The following ITSN1 variants were observed in gnomAD, a reference collection of about 807,000 sequenced individuals.
The protein encoded by ITSN1 is intersectin-1.
A neutral mutation model predicts 239.8 loss-of-function variants in ITSN1; 58 were observed. The ratio of observed to expected loss-of-function variants is 0.24; its 90% CI spans 0.20 to 0.30. The LOEUF (loss-of-function observed/expected upper bound fraction) is 0.30. Ranked by LOEUF, ITSN1 falls within the 10% of genes least tolerant of loss-of-function variation. The pLI, the probability that ITSN1 is intolerant of heterozygous loss-of-function variation, is 1.00. For missense variants in ITSN1, 1,558 were observed against 2,103.3 expected (o/e 0.74, Z 5.07); for synonymous variants, 780 against 770.8 (o/e 1.01, Z -0.20).
intron 1 of ITSN1, among the ~76,000 whole-genome samples, chr21:33,673,251 G>A (rs372575057): frequency 1.3e-5 from 2 of 152,168 alleles, no homozygotes; most frequent in South Asian, 4.1e-4. Flanking sequence ...GGTTATCGGG[G>A]GAAGGGGAAG....
intron 33 of ITSN1, among the ~76,000 whole-genome samples, chr21:33,868,027 A>T (rs1179107963): frequency 1.3e-5 from 2 of 152,232 alleles, no homozygotes; most frequent in Non-Finnish European, 2.9e-5. Flanking sequence ...TTTATTGCAA[A>T]GAGTGAAAGA....
rs987901131 is a variant in ITSN1, at chr21:33,897,416, A to C, written c.*9116A>C. 2.6e-5 allele frequency: 4 copies of C among 152,258 alleles called. No homozygotes were observed. The highest frequency in any genetic ancestry group is 9.6e-5 in the African/African-American group (4 of 41,460). The allele number at this position is 152,258 out of a possible 1,614,324, so 9.4% of individuals were successfully genotyped here. A position where few individuals can be genotyped will look rare whatever the true frequency, so the allele number is the denominator to read the frequency against. The stretch of plus-strand genomic sequence containing the variant: ...AGGTGGTGAACTTATGTGTAAATAC[A>C]TGTGTACAGATGAGAAACTGCAACA... On this transcript the variant is annotated 3_prime_UTR_variant, in exon 40 of 40. Transcript: ENST00000381318.
chr21:33,805,908 A>T (rs967085376), intron 20 of ITSN1, among the ~76,000 whole-genome samples: 1 of 145,964 alleles, frequency 6.9e-6, no homozygotes, highest in South Asian at 2.2e-4. Context: ...TCCTGACCTC[A>T]GAAAGAGTTT....
chr21:33,827,763 G>A (rs1044372980), intron 26 of ITSN1, among the ~76,000 whole-genome samples: 39 of 152,124 alleles, frequency 2.6e-4, no homozygotes, highest in Non-Finnish European at 3.5e-4. Context: ...GAAATAATAC[G>A]GTTTCTGTGG....
chr21:33,785,448 T>G (rs1302735660), intron 16 of ITSN1, among the ~76,000 whole-genome samples: 2 of 147,188 alleles, frequency 1.4e-5, no homozygotes. Flanking sequence ...AAAAACTAAA[T>G]ACACTTATAC....
chr21:33,855,837 C>G (rs969639637), intron 29 of ITSN1, among the ~76,000 whole-genome samples: 6 of 152,214 alleles, frequency 3.9e-5, no homozygotes, highest in African/African-American at 1.4e-4. Flanking sequence ...AGGGGCCAGG[C>G]AGCAGCTTTG....
At chr21:33,703,121 A>T (rs2092101421) in intron 1 of ITSN1, among the ~76,000 whole-genome samples, 3 of 150,528 alleles carry the variant, frequency 2.0e-5, no homozygotes, top group East Asian at 1.9e-4. Flanking sequence ...GTGTATACAC[A>T]TATATACGTA....
At chr21:33,762,901 T>G (rs886506413) in intron 9 of ITSN1, among the ~76,000 whole-genome samples, 1 of 152,076 alleles carries the variant, frequency 6.6e-6, no homozygotes, top group Admixed American at 6.5e-5. Flanking sequence ...TGACCTCAGG[T>G]GACCTGCCCA....
intron 4 of ITSN1, among the ~76,000 whole-genome samples, chr21:33,730,107 A>T (rs984715619): frequency 1.3e-5 from 2 of 152,036 alleles, no homozygotes; most frequent in Non-Finnish European, 2.9e-5. Flanking sequence ...TAATTTAGAT[A>T]TGCCTCCTCA....
chr21:33,686,425 A>G (rs2091239511), intron 1 of ITSN1, among the ~76,000 whole-genome samples: 1 of 151,936 alleles, frequency 6.6e-6, no homozygotes. Flanking sequence ...TAAGTTTTTC[A>G]TAGCTGGAAT....
At chr21:33,699,824 A>G (rs1009888538) in intron 1 of ITSN1, among the ~76,000 whole-genome samples, 1 of 152,218 alleles carries the variant, frequency 6.6e-6, no homozygotes, top group Non-Finnish European at 1.5e-5. Context: ...CAGTGGTGCC[A>G]TCATAGCTCA....
At chr21:33,751,357 A>T (rs991618021) in intron 6 of ITSN1, among the ~76,000 whole-genome samples, 1 of 152,248 alleles carries the variant, frequency 6.6e-6, no homozygotes. Flanking sequence ...AACCCCAGTG[A>T]TAATCAGACA....
chr21:33,811,988 G>A (rs2072949359), intron 21 of ITSN1, among the ~76,000 whole-genome samples: 1 of 152,066 alleles, frequency 6.6e-6, no homozygotes, highest in South Asian at 2.1e-4. Context: ...ATGTATTGCT[G>A]GAGAAGGATC....
At chr21:33,669,954 A>G (rs538223762) in intron 1 of ITSN1, among the ~76,000 whole-genome samples, 1 of 152,216 alleles carries the variant, frequency 6.6e-6, no homozygotes, top group South Asian at 2.1e-4. Flanking sequence ...TAGTTCTGGA[A>G]CTTCTCTCAC....
chr21:33,734,095 AT>A (rs2066350319), intron 4 of ITSN1, among the ~76,000 whole-genome samples: 1 of 152,164 alleles, frequency 6.6e-6, no homozygotes, highest in Non-Finnish European at 1.5e-5. Flanking sequence ...TTTCAAATAC[AT>A]TTTTCATAAT....
chr21:33,669,187 A>T (rs1480488231), intron 1 of ITSN1, among the ~76,000 whole-genome samples: 1 of 152,080 alleles, frequency 6.6e-6, no homozygotes, highest in Non-Finnish European at 1.5e-5. Context: ...GGTTCAAGCG[A>T]TTCTCCTGTC....
At chr21:33,824,189 T>A (rs1160015867) in intron 25 of ITSN1, among the ~76,000 whole-genome samples, 6 of 152,210 alleles carry the variant, frequency 3.9e-5, no homozygotes, top group Non-Finnish European at 8.8e-5. Flanking sequence ...TGATCAGGAC[T>A]GAATTTAAGT....
chr21:33,711,246 G>GGATT (rs2092406437), intron 1 of ITSN1, among the ~76,000 whole-genome samples: 1 of 151,830 alleles, frequency 6.6e-6, no homozygotes, highest in African/African-American at 2.4e-5. Flanking sequence ...AATGTTTGTA[G>GGATT]GATTGATGGG....
intron 1 of ITSN1, among the ~76,000 whole-genome samples, chr21:33,694,430 CATAT>C (rs2091700239): frequency 1.3e-5 from 2 of 152,134 alleles, no homozygotes; most frequent in South Asian, 4.1e-4. Flanking sequence ...TGCCTTTGGA[CATAT>C]ATCTTTGTAT....
Sources: gnomAD v4.1 joint callset for allele counts (sites outside exome capture counted in the v4.1 genomes callset) on GRCh38, gnomAD v4.1.1 for gene constraint, MANE v1.5 for transcripts, NCBI Gene and HGNC (gene_info 2026-07-23, HGNC 2026-07-21) for gene names.